Variants in S100Z observed in about 807,000 individuals in gnomAD.
S100Z encodes the protein protein S100-Z.
In S100Z, 11 loss-of-function variants were observed where a neutral mutation model predicts 8.5. The ratio of observed to expected loss-of-function variants is 1.30; its 90% confidence interval spans 0.82 to 2.15. The LOEUF (loss-of-function observed/expected upper bound fraction) is 2.15. S100Z is among the 30% of genes most tolerant of loss of function. The pLI, the probability that S100Z is intolerant of heterozygous loss-of-function variation, is 0.00. For synonymous variants in S100Z, 34 were observed against 43.8 expected (o/e 0.78, Z 0.89); for missense variants, 126 against 117.9 (o/e 1.07, Z -0.32).
chr5:76,925,594 T>C (rs112385539), downstream of S100Z, among the ~76,000 whole-genome samples: 674 of 152,290 alleles, frequency 4.4e-3, 6 homozygotes, highest in African/African-American at 0.016. Context: ...AGATTTTCGC[T>C]TGAGTAACTT....
chr5:76,952,502 C>T, the S100Z span, among the ~76,000 whole-genome samples: 1 of 152,236 alleles, frequency 6.6e-6, no homozygotes. Flanking sequence ...AATTGCATTA[C>T]TGCAATCTTC....
intron 4 of S100Z, among the ~76,000 whole-genome samples, chr5:76,908,782 C>T (rs1413382771): frequency 6.6e-6 from 1 of 152,190 alleles, no homozygotes; most frequent in African/African-American, 2.4e-5. Context: ...TGGCCCTTCA[C>T]TTCATTTTGG....
intron 1 of S100Z, among the ~76,000 whole-genome samples, chr5:76,869,943 A>T (rs1172238595): frequency 1.3e-5 from 2 of 151,990 alleles, no homozygotes; most frequent in Non-Finnish European, 2.9e-5. Context: ...GAATTGCTTG[A>T]ACCCAGGAGG....
Position 76,875,415 on chromosome 5 carries a change from A to C in S100Z, c.56A>C (p.Tyr19Ser), listed in dbSNP as rs753433962. ...MDTMIRIFHR[Y>S]SGKERKRFKL... ...ACCATGATTAGAATCTTCCACCGCTATTCTGGCAAGGAAAGGAAGAGATTC... is the reference window on the plus strand; with the variant it reads ...ACCATGATTAGAATCTTCCACCGCTCTTCTGGCAAGGAAAGGAAGAGATTC... Residue 19 changes from tyrosine (Y) to serine (S), a missense_variant, in exon 3 of 5, where the codon TAT becomes TCT. Tyr to Ser is a moderately radical substitution (Grantham distance 144). Coordinates refer to ENST00000317593, the MANE Select transcript of S100Z (RefSeq NM_130772.4). 6.2e-7 allele frequency: 1 copy of C among 1,613,296 alleles called. No homozygotes were observed. Among genetic ancestry groups the C allele is most frequent in the South Asian group, 1.1e-5 (1 of 90,930 alleles).
At chr5:76,931,082 C>T in the S100Z span, among the ~76,000 whole-genome samples, 3 of 151,826 alleles carry the variant, frequency 2.0e-5, no homozygotes, top group East Asian at 5.8e-4. Flanking sequence ...GCTCTAGTCT[C>T]TCTTTTTCCT....
At chr5:76,883,767 G>A (rs74641840) in intron 4 of S100Z, among the ~76,000 whole-genome samples, 12 of 152,322 alleles carry the variant, frequency 7.9e-5, no homozygotes, top group Middle Eastern at 3.4e-3. Context: ...CTGGGGTCCC[G>A]CACAGATGGG....
At chr5:76,861,527 C>A (rs1348627383) in intron 1 of S100Z, among the ~76,000 whole-genome samples, 1 of 152,052 alleles carries the variant, frequency 6.6e-6, no homozygotes, top group Non-Finnish European at 1.5e-5. Context: ...TTAGTAGAGA[C>A]GGGGTTTCGC....
chr5:76,924,451 G>A (rs543752110), downstream of S100Z, among the ~76,000 whole-genome samples: 20 of 152,186 alleles, frequency 1.3e-4, no homozygotes, highest in African/African-American at 2.6e-4. Context: ...GCTCCTACAC[G>A]TTCTAACAAG....
chr5:76,922,508 G>GT (rs1187846368), downstream of S100Z, among the ~76,000 whole-genome samples: 1 of 148,008 alleles, frequency 6.8e-6, no homozygotes, highest in Non-Finnish European at 1.5e-5. Context: ...CATAAAGAGA[G>GT]TTTTTTTGTT....
chr5:76,909,266 A>G (rs987027589), intron 4 of S100Z, among the ~76,000 whole-genome samples: 1 of 152,148 alleles, frequency 6.6e-6, no homozygotes, highest in Non-Finnish European at 1.5e-5. Context: ...CACTTTTGAA[A>G]TGCATCCTAA....
chr5:76,869,139 T>G (rs1418618382), intron 1 of S100Z, among the ~76,000 whole-genome samples: 1 of 152,222 alleles, frequency 6.6e-6, no homozygotes, highest in Non-Finnish European at 1.5e-5. Flanking sequence ...CACTTCCATA[T>G]GCCTGTCCCT....
In S100Z at chr5:76,872,126, G is replaced by A. The variant is rs747960713; in HGVS notation, c.-57+1842G>A. Among the ~76,000 whole-genome samples the A allele has an allele frequency of 4.9e-4, 75 of 152,076 alleles. 1 individual carries two copies. Among genetic ancestry groups the A allele is most frequent in the Non-Finnish European group, 9.4e-4 (64 of 68,002 alleles). ...GGAATGGTGGTGTGCACCTGTGTGT[G>A]GTCTCAGCTATTCAGGAAACTGAAG... On this transcript the variant is annotated intron_variant, in intron 2 of 4. Transcript: ENST00000317593.
intron 1 of S100Z, among the ~76,000 whole-genome samples, chr5:76,863,066 C>A (rs1751112993): frequency 6.6e-6 from 1 of 152,198 alleles, no homozygotes; most frequent in South Asian, 2.1e-4. Flanking sequence ...ATAGGCAACA[C>A]CATTTAAAGA....
At chr5:76,895,506 C>A (rs1744003490) in intron 4 of S100Z, among the ~76,000 whole-genome samples, 1 of 150,916 alleles carries the variant, frequency 6.6e-6, no homozygotes, top group Non-Finnish European at 1.5e-5. Context: ...TCCAACTTAC[C>A]CTGATGTCCA....
chr5:76,852,667 G>A (rs115755202), intron 1 of S100Z, among the ~76,000 whole-genome samples: 2,569 of 152,144 alleles, frequency 0.017, 56 homozygotes, highest in African/African-American at 0.056. Flanking sequence ...CTGAGATCCC[G>A]CTACTGCACT....
intron 1 of S100Z, among the ~76,000 whole-genome samples, chr5:76,850,391 A>T (rs1237176898): frequency 6.6e-6 from 1 of 151,616 alleles, no homozygotes; most frequent in Non-Finnish European, 1.5e-5. Context: ...CTCGGAGCGT[A>T]GAGGTTCTGG....
intron 4 of S100Z, among the ~76,000 whole-genome samples, chr5:76,897,770 C>CT (rs942558865): frequency 1.1e-4 from 16 of 151,664 alleles, no homozygotes; most frequent in East Asian, 3.9e-4. Context: ...TTTTAAATTT[C>CT]TTTTTTTTGC....
chr5:76,850,530 C>T (rs1750698296), intron 1 of S100Z, among the ~76,000 whole-genome samples: 1 of 152,162 alleles, frequency 6.6e-6, no homozygotes, highest in Non-Finnish European at 1.5e-5. Context: ...GGCCAAAGAC[C>T]CAGAAGAACC....
intron 1 of S100Z, among the ~76,000 whole-genome samples, chr5:76,869,376 G>A (rs1193990914): frequency 6.6e-6 from 1 of 152,206 alleles, no homozygotes. Flanking sequence ...TAGTTGGGAA[G>A]AGTGCAGGAA....
Sources: allele counts gnomAD v4.1 joint callset (sites outside exome capture counted in the v4.1 genomes callset), GRCh38; gene constraint gnomAD v4.1.1; transcripts MANE v1.5; gene names NCBI Gene and HGNC (gene_info 2026-07-23, HGNC 2026-07-21).